The following EHMT1 variants were observed in gnomAD, a reference collection of about 807,000 sequenced individuals.
EHMT1 encodes euchromatic histone lysine methyltransferase 1, also known as histone-lysine N-methyltransferase EHMT1.
EHMT1 carries 15 observed loss-of-function variants against 147.2 expected under a neutral mutation model. The ratio of observed to expected loss-of-function variants is 0.10; its 90% CI spans 0.07 to 0.16. The LOEUF is 0.16. Ranked by LOEUF, EHMT1 falls within the 10% of genes least tolerant of loss-of-function variation. The pLI, the probability that EHMT1 is intolerant of heterozygous loss-of-function variation, is 1.00. For missense variants in EHMT1, 1,587 were observed against 1,772.4 expected, an observed-to-expected ratio of 0.90 and a Z score of 1.88; for synonymous variants, 795 against 709.6, an observed-to-expected ratio of 1.12 and a Z score of -1.91.
intron 1 of EHMT1, among the ~76,000 whole-genome samples, chr9:137,632,684 G>A (rs547580439): frequency 9.0e-4 from 137 of 152,260 alleles, no homozygotes; most frequent in Non-Finnish European, 1.7e-3. Context: ...GATTACAGGC[G>A]TGAGCCACTG....
intron 15 of EHMT1, chr9:137,789,078 G>A (rs1253061722): frequency 2.0e-5 from 3 of 152,514 alleles, no homozygotes; most frequent in Non-Finnish European, 2.9e-5. Flanking sequence ...TCATGGGCGG[G>A]GTCATTTCCT....
chr9:137,671,468 C>T (rs1211734548), intron 1 of EHMT1, among the ~76,000 whole-genome samples: 1 of 151,546 alleles, frequency 6.6e-6, no homozygotes, highest in African/African-American at 2.4e-5. Context: ...TTAGATAATG[C>T]CCTGTCAAAA....
At chr9:137,797,381 T>C (rs1953051000) in intron 16 of EHMT1, among the ~76,000 whole-genome samples, 1 of 152,140 alleles carries the variant, frequency 6.6e-6, no homozygotes, top group Non-Finnish European at 1.5e-5. Flanking sequence ...CTGCCTGGTG[T>C]CTTGCTCTTG....
intron 1 of EHMT1, among the ~76,000 whole-genome samples, chr9:137,651,994 A>T (rs934699758): frequency 2.6e-5 from 4 of 152,176 alleles, no homozygotes; most frequent in African/African-American, 9.7e-5. Context: ...TTACTGGTGT[A>T]TGTAGTTACT....
At chr9:137,736,977 C>T (rs1440226872) in intron 4 of EHMT1, among the ~76,000 whole-genome samples, 1 of 151,988 alleles carries the variant, frequency 6.6e-6, no homozygotes, top group Non-Finnish European at 1.5e-5. Context: ...CCACGGTGAG[C>T]TGGTCACTTG....
intron 10 of EHMT1, among the ~76,000 whole-genome samples, chr9:137,772,405 G>A (rs969930183): frequency 2.6e-5 from 4 of 152,206 alleles, no homozygotes; most frequent in Admixed American, 6.5e-5. Context: ...CGGTGGGCTT[G>A]TGTGGAGAGT....
Position 137,813,660 on chromosome 9 carries a change from C to T in EHMT1, c.3180+130C>T. 2 of 1,340,536 alleles carry T rather than the reference C, an allele frequency of 1.5e-6. No homozygotes were observed. Among genetic ancestry groups the T allele is most frequent in the Non-Finnish European group, 2.1e-6 (2 of 966,946 alleles). The allele number at this position is 1,340,536 out of a possible 1,614,324, so 83.0% of individuals were successfully genotyped here. Reference sequence around the variant, plus strand: ...TATGGGGGGCTTCCCAGGAAGACCTCATTCTCTTTGTAGTTGCCTCCCGTG... The same window carrying T: ...TATGGGGGGCTTCCCAGGAAGACCTTATTCTCTTTGTAGTTGCCTCCCGTG... On this transcript the variant is annotated intron_variant, in intron 21 of 26. Coordinates refer to ENST00000460843, the MANE Select transcript of EHMT1 (RefSeq NM_024757.5). The surrounding 1 kb of genome is among the most constrained non-coding windows in gnomAD (Gnocchi z 4.9).
At chr9:137,805,064 C>T (rs1044729885) in intron 18 of EHMT1, among the ~76,000 whole-genome samples, 5 of 150,946 alleles carry the variant, frequency 3.3e-5, no homozygotes, top group Non-Finnish European at 7.4e-5. Context: ...TGTCAGTCCA[C>T]ATGTCTGTCA....
chr9:137,705,625 G>A lies in EHMT1; in HGVS notation c.22-5342G>A, dbSNP rs114287385. ...GGACTGGTCATGTGTTTTGCCGTGCGGGCGCAGAGGTCAGGCTGGCTCTGT... is the reference window on the plus strand; with the variant it reads ...GGACTGGTCATGTGTTTTGCCGTGCAGGCGCAGAGGTCAGGCTGGCTCTGT... On this transcript the variant is annotated intron_variant, in intron 1 of 26. Transcript: ENST00000460843. Among the ~76,000 whole-genome samples the A allele has an allele frequency of 7.9e-3, 1,204 of 152,324 alleles. 22 individuals carry two copies. The highest frequency in any genetic ancestry group is 0.028 in the African/African-American group (1,144 of 41,566).
intron 3 of EHMT1, among the ~76,000 whole-genome samples, chr9:137,720,175 C>G (rs1007838718): frequency 2.6e-5 from 4 of 151,636 alleles, no homozygotes; most frequent in African/African-American, 9.7e-5. Context: ...GCCGAACCCC[C>G]TTCACACCAG....
At position 137,635,647 on chromosome 9, in the gene EHMT1, C is replaced by T. The variant is rs924629739; in HGVS notation, c.21+16598C>T. 1.9e-4 allele frequency among the ~76,000 whole-genome samples: 28 copies of T among 151,270 alleles called. 1 individual carries two copies. The highest frequency in any genetic ancestry group is 8.4e-4 in the East Asian group (4 of 4,786). On this transcript the variant is annotated intron_variant, in intron 1 of 26. Transcript: ENST00000460843. ...CATCCTGGCTAACATGGTGAAACCC[C>T]GTCTCTACTAAAAATACAAAAAATT... is the stretch of plus-strand genomic sequence containing the variant.
chr9:137,811,142 A>C (rs1954449467), intron 18 of EHMT1, among the ~76,000 whole-genome samples: 1 of 152,182 alleles, frequency 6.6e-6, no homozygotes, highest in Non-Finnish European at 1.5e-5. Flanking sequence ...AAGTGTTAAT[A>C]TGTTGAGTGT....
rs774559956 is a variant in EHMT1, at chr9:137,716,798, C to G, written c.258C>G (p.Asn86Lys). The change falls in exon 3 of 27, where the codon AAC becomes AAG. Residue 86 changes from asparagine (N) to lysine (K), a missense_variant. Coordinates refer to ENST00000460843, the MANE Select transcript of EHMT1 (RefSeq NM_024757.5). Reference sequence around the variant, plus strand: ...GGGTCAACCCCCAGGATGGCACCAACACACTAACTCGGATAGCGGAAAATG... The same window carrying G: ...GGGTCAACCCCCAGGATGGCACCAAGACACTAACTCGGATAGCGGAAAATG... The part of the protein sequence containing the change: ...SARVNPQDGT[N>K]TLTRIAENGV... 2.5e-6 allele frequency: 4 copies of G among 1,613,208 alleles called. No individual in the cohort carries two copies. The Admixed American group carries it at 5.0e-5, about 20-fold the overall frequency.
At position 137,672,353 on chromosome 9, in the gene EHMT1, CAT is replaced by C. The variant is rs113471946; in HGVS notation, c.22-38613_22-38612del. 2.1e-4 allele frequency among the ~76,000 whole-genome samples: 32 copies of C among 152,140 alleles called. 1 individual carries two copies. Among genetic ancestry groups the C allele is most frequent in the African/African-American group, 7.5e-4 (31 of 41,494 alleles). Reference sequence around the variant, plus strand: ...ATTTTCATAAAGTATTTTATGTTAACATGTAGTAGGTTTATTGTTATTTGTAC... The same window carrying C: ...ATTTTCATAAAGTATTTTATGTTAACGTAGTAGGTTTATTGTTATTTGTAC... On this transcript the variant is annotated intron_variant, in intron 1 of 26. Transcript: ENST00000460843.
intron 4 of EHMT1, chr9:137,742,976 G>A (rs1948235353): frequency 3.3e-6 from 1 of 302,254 alleles, no homozygotes; most frequent in Admixed American, 5.0e-5. Flanking sequence ...GTTCACGTTG[G>A]TCTGTTTTGC....
At chr9:137,781,063 T>C (rs62589694) in intron 14 of EHMT1, among the ~76,000 whole-genome samples, 2,531 of 66,758 alleles carry the variant, frequency 0.038, 14 homozygotes, top group East Asian at 0.075. Flanking sequence ...CGTGTGGTGA[T>C]GACGCCGGGA....
intron 3 of EHMT1, among the ~76,000 whole-genome samples, chr9:137,724,077 G>A (rs986577142): frequency 2.0e-5 from 3 of 152,346 alleles, no homozygotes; most frequent in African/African-American, 7.2e-5. Flanking sequence ...TCCAGGAGGC[G>A]TCAGCATGGG....
intron 6 of EHMT1, chr9:137,746,653 A>G (rs1233245016): frequency 6.6e-6 from 1 of 152,220 alleles, no homozygotes; most frequent in African/African-American, 2.4e-5. Flanking sequence ...AGTTTATGAC[A>G]TATTAATTAT....
chr9:137,758,157 G>A lies in EHMT1; in HGVS notation c.1501+146G>A, dbSNP rs187086955. The A allele has an allele frequency of 3.6e-6, 4 of 1,119,388 alleles. No individual in the cohort carries two copies. The East Asian group carries it at 9.7e-5, about 27-fold the overall frequency. The allele number at this position is 1,119,388 out of a possible 1,614,324, so 69.3% of individuals were successfully genotyped here. A position where few individuals can be genotyped will look rare whatever the true frequency, so the allele number is the denominator to read the frequency against. On this transcript the variant is annotated intron_variant, in intron 9 of 26. Coordinates refer to ENST00000460843, the MANE Select transcript of EHMT1 (RefSeq NM_024757.5). The stretch of plus-strand genomic sequence containing the variant: ...TCACTTCCAGCTGAGGTGTAGACAG[G>A]ATGGGGTGCGTTTGCTGTGTCCCGG...
Sources: gnomAD v4.1 joint callset for allele counts (sites outside exome capture counted in the v4.1 genomes callset) on GRCh38, gnomAD v4.1.1 for gene constraint, Gnocchi (gnomAD v3.1) non-coding constraint, MANE v1.5 for transcripts, NCBI Gene and HGNC (gene_info 2026-07-23, HGNC 2026-07-21) for gene names.